The following ADAM12 variants were observed in gnomAD, a reference collection of about 807,000 sequenced individuals.
ADAM12 encodes the protein ADAM metallopeptidase domain 12, also known as disintegrin and metalloproteinase domain-containing protein 12.
ADAM12 carries 70 observed loss-of-function variants against 106.4 expected under a neutral mutation model. The observed-to-expected ratio is 0.66, with a 90% CI of 0.54 to 0.80. The LOEUF (loss-of-function observed/expected upper bound fraction) is 0.80, where lower values mean the gene tolerates loss of function less well. ADAM12 is among the 30% of genes least tolerant of loss of function. The probability of loss-of-function intolerance (pLI) is 0.00; values close to 1 mark genes in which losing one functional copy is unlikely to be tolerated. For synonymous variants in ADAM12, 420 were observed against 433.5 expected (o/e 0.97, Z 0.39); for missense variants, 1,010 against 1,171.9 (o/e 0.86, Z 2.02).
chr10:126,074,513 A>G (rs1437061771), intron 11 of ADAM12, among the ~76,000 whole-genome samples: 2 of 152,224 alleles, frequency 1.3e-5, no homozygotes, highest in Non-Finnish European at 2.9e-5. Flanking sequence ...AGAGGAGAAC[A>G]GAACAGATCA....
chr10:126,226,189 TG>T (rs1257022862), intron 3 of ADAM12, among the ~76,000 whole-genome samples: 4 of 4,974 alleles, frequency 8.0e-4, no homozygotes, highest in Non-Finnish European at 1.3e-3. Context: ...AAGGTGGTGG[TG>T]GGGGGAGGGG....
Position 126,064,819 on chromosome 10 carries a change from C to G in ADAM12, c.1596G>C (p.Thr532=), listed in dbSNP as rs2279091. The G allele has an allele frequency of 1.9e-6, 3 of 1,605,882 alleles. No individual in the cohort carries two copies. The change falls in exon 14 of 23, where the codon ACG becomes ACC. Residue 532 remains threonine, a synonymous_variant. Coordinates refer to ENST00000448723, the MANE Select transcript of ADAM12 (RefSeq NM_001288973.2). The surrounding 1 kb of genome is among the most constrained non-coding windows in gnomAD (Gnocchi z 4.4). The part of the protein sequence containing the change: ...ICQTHEQQCV[T]LWGPGAKPAP... ...GCGGCCACGTACCTGGTCCCCAGAG[C>G]GTGACACACTGCTGCTCGTGAGTCT...
intron 4 of ADAM12, among the ~76,000 whole-genome samples, chr10:126,154,442 G>C (rs1196926408): frequency 6.6e-6 from 1 of 152,174 alleles, no homozygotes; most frequent in Non-Finnish European, 1.5e-5. Flanking sequence ...GAAAAGTGTT[G>C]GTGTCATGCA....
At chr10:126,135,406 G>T in intron 5 of ADAM12, 178 bp downstream of exon 5, 1 of 601,358 alleles carries the variant, frequency 1.7e-6, no homozygotes. Flanking sequence ...ATCCTGGGTG[G>T]CCATGCTCTT....
intron 12 of ADAM12, among the ~76,000 whole-genome samples, chr10:126,068,741 A>T (rs975537396): frequency 6.6e-6 from 1 of 152,188 alleles, no homozygotes; most frequent in African/African-American, 2.4e-5. Flanking sequence ...TGCTACATTG[A>T]TTATTTTAGT....
intron 8 of ADAM12, among the ~76,000 whole-genome samples, chr10:126,107,167 C>T (rs1955789505): frequency 6.6e-6 from 1 of 152,210 alleles, no homozygotes; most frequent in Non-Finnish European, 1.5e-5. Context: ...TACATGTCCA[C>T]ATCACACATA....
In ADAM12 at chr10:126,049,521, G is replaced by A. The variant is rs1280814651; in HGVS notation, c.1718+40C>T. ...AACCAACCCTATGCAATGTGGGAAGGTCAGAGCAAAGACTTTGCCAGGATG... is the reference window on the plus strand; with the variant it reads ...AACCAACCCTATGCAATGTGGGAAGATCAGAGCAAAGACTTTGCCAGGATG... On this transcript the variant is annotated intron_variant, in intron 15 of 22. Coordinates refer to ENST00000448723, the MANE Select transcript of ADAM12 (RefSeq NM_001288973.2). This position sits in a 1 kb window ranked among gnomAD's most constrained non-coding sequence, Gnocchi z 4.4. 6.2e-7 allele frequency: 1 copy of A among 1,613,822 alleles called. No homozygotes were observed. Among genetic ancestry groups the A allele is most frequent in the Non-Finnish European group, 8.5e-7 (1 of 1,179,674 alleles).
chr10:126,087,974 G>T (rs1955389888), intron 11 of ADAM12, among the ~76,000 whole-genome samples: 1 of 152,206 alleles, frequency 6.6e-6, no homozygotes, highest in Non-Finnish European at 1.5e-5. Context: ...GATCGGTTTA[G>T]ACTGGACTCT....
In ADAM12 at chr10:126,098,683, T is replaced by C. The variant is rs908409161; in HGVS notation, c.912-183A>G. Among the ~76,000 whole-genome samples the C allele has an allele frequency of 3.3e-5, 5 of 152,354 alleles. No individual in the cohort carries two copies. In the East Asian group the frequency reaches 9.6e-4, roughly 29 times the overall value. Reference sequence around the variant, plus strand: ...AAATTTTATTTCTGCAGTTGCGTCATGGTTCTGTCATTTTTTAGAGTTTTG... The same window carrying C: ...AAATTTTATTTCTGCAGTTGCGTCACGGTTCTGTCATTTTTTAGAGTTTTG... On this transcript the variant is annotated intron_variant, in intron 9 of 22. Coordinates refer to ENST00000448723, the MANE Select transcript of ADAM12 (RefSeq NM_001288973.2).
chr10:126,166,242 C>T lies in ADAM12; in HGVS notation c.261-10937G>A, dbSNP rs114649888. ...TCAGATGAGCCTATCTGTTCATGAG[C>T]GAAGAGTTCACAGACAGCCTTTTGG... is the stretch of plus-strand genomic sequence containing the variant. On this transcript the variant is annotated intron_variant, in intron 3 of 22. Transcript: ENST00000448723. 7.2e-3 allele frequency among the ~76,000 whole-genome samples: 1,096 copies of T among 152,254 alleles called. 13 individuals carry two copies. The highest frequency in any genetic ancestry group is 0.024 in the African/African-American group (1,013 of 41,544).
chr10:126,324,891 A>G (rs1854237409), intron 2 of ADAM12, among the ~76,000 whole-genome samples: 1 of 151,968 alleles, frequency 6.6e-6, no homozygotes, highest in South Asian at 2.1e-4. Context: ...GCTAGATGAC[A>G]AAAGCCGAAG....
intron 2 of ADAM12, among the ~76,000 whole-genome samples, chr10:126,298,152 A>G (rs1960463555): frequency 6.6e-6 from 1 of 152,180 alleles, no homozygotes; most frequent in Non-Finnish European, 1.5e-5. Context: ...TAAGCTGCCC[A>G]TATACAATGT....
At chr10:126,215,193 C>T (rs1957966670) in intron 3 of ADAM12, among the ~76,000 whole-genome samples, 1 of 152,146 alleles carries the variant, frequency 6.6e-6, no homozygotes, top group Non-Finnish European at 1.5e-5. Context: ...CAGCTCTGCT[C>T]CTGAAGGTAC....
chr10:126,172,498 CA>C (rs1047893644), intron 3 of ADAM12, among the ~76,000 whole-genome samples: 1 of 151,682 alleles, frequency 6.6e-6, no homozygotes, highest in South Asian at 2.1e-4. Context: ...AACAAACATA[CA>C]AAAAAAAGCT....
chr10:126,250,135 C>A (rs1446187783), intron 3 of ADAM12, among the ~76,000 whole-genome samples: 4 of 152,140 alleles, frequency 2.6e-5, no homozygotes, highest in African/African-American at 9.7e-5. Context: ...GCATACCGAC[C>A]GCAAGGCCCT....
intron 2 of ADAM12, among the ~76,000 whole-genome samples, chr10:126,328,219 G>A (rs1854375754): frequency 6.6e-6 from 1 of 152,236 alleles, no homozygotes; most frequent in African/African-American, 2.4e-5. Flanking sequence ...TTCTGCATTG[G>A]CTGTATGCCT....
intron 21 of ADAM12, among the ~76,000 whole-genome samples, chr10:126,027,741 C>T (rs1378180212): frequency 6.6e-6 from 1 of 152,102 alleles, no homozygotes; most frequent in Non-Finnish European, 1.5e-5. Context: ...TATGACAAAC[C>T]CACAGCTAAT....
chr10:126,228,370 G>C (rs57608539), intron 3 of ADAM12, among the ~76,000 whole-genome samples: 193 of 152,250 alleles, frequency 1.3e-3, no homozygotes, highest in African/African-American at 4.5e-3. Flanking sequence ...TTTCATATAA[G>C]ACCAAGAACT....
chr10:126,112,472 G>A (rs1019156942), intron 6 of ADAM12, among the ~76,000 whole-genome samples: 102 of 152,226 alleles, frequency 6.7e-4, no homozygotes, highest in African/African-American at 2.4e-3. Context: ...CAGCCTCTGG[G>A]ATTAGCCCAA....
Sources: gnomAD v4.1 joint callset for allele counts (sites outside exome capture counted in the v4.1 genomes callset) on GRCh38, gnomAD v4.1.1 for gene constraint, Gnocchi (gnomAD v3.1) non-coding constraint, MANE v1.5 for transcripts, NCBI Gene and HGNC (gene_info 2026-07-23, HGNC 2026-07-21) for gene names.